Variants in SORCS3 observed in about 807,000 individuals in gnomAD.
SORCS3 encodes the protein VPS10 domain-containing receptor SorCS3.
Under a neutral mutation model 146.3 loss-of-function variants are expected in SORCS3, and 57 were observed. The observed-to-expected ratio is 0.39, with a 90% confidence interval of 0.31 to 0.49. SORCS3 has a LOEUF of 0.49. SORCS3 is among the 20% of genes least tolerant of loss of function. The pLI, the probability that SORCS3 is intolerant of heterozygous loss-of-function variation, is 0.92. For missense variants in SORCS3, 1,341 were observed against 1,575.5 expected (o/e 0.85, Z 2.52); for synonymous variants, 653 against 618.5 (o/e 1.06, Z -0.83).
At chr10:104,708,763 T>C (rs1439886199) in intron 1 of SORCS3, among the ~76,000 whole-genome samples, 1 of 152,198 alleles carries the variant, frequency 6.6e-6, no homozygotes, top group Non-Finnish European at 1.5e-5. Context: ...CTCTTTCCTT[T>C]GGATAATATT....
chr10:104,716,142 T>C (rs1191785511), intron 1 of SORCS3, among the ~76,000 whole-genome samples: 2 of 152,198 alleles, frequency 1.3e-5, no homozygotes, highest in Non-Finnish European at 2.9e-5. Context: ...CCAGTCCCCC[T>C]TCCTGCATTA....
At chr10:104,849,447 A>G (rs1197991597) in intron 2 of SORCS3, among the ~76,000 whole-genome samples, 1 of 148,704 alleles carries the variant, frequency 6.7e-6, no homozygotes, top group Non-Finnish European at 1.5e-5. Context: ...AGGAAAGACT[A>G]TTTCAGGTAT....
chr10:104,835,895 T>C (rs1485290435), intron 1 of SORCS3, among the ~76,000 whole-genome samples: 1 of 152,196 alleles, frequency 6.6e-6, no homozygotes, highest in Non-Finnish European at 1.5e-5. Context: ...TTGATTTGAA[T>C]CAGCAACCCT....
intron 3 of SORCS3, among the ~76,000 whole-genome samples, chr10:104,932,785 T>C (rs757039142): frequency 6.6e-6 from 1 of 152,206 alleles, no homozygotes; most frequent in Non-Finnish European, 1.5e-5. Context: ...CTTGAATTCC[T>C]GGGTTCAAGC....
rs145233912 is a variant in SORCS3 at position 104,823,129 on chromosome 10, T to C, written c.628-19663T>C. On this transcript the variant is annotated intron_variant, in intron 1 of 26. Coordinates refer to ENST00000369701, the MANE Select transcript of SORCS3 (RefSeq NM_014978.3). Reference sequence around the variant, plus strand: ...GGCACTGGACAGGCAGTAACAAACATGCCTGCAGGGCCAATAGGCAGATGA... The same window carrying C: ...GGCACTGGACAGGCAGTAACAAACACGCCTGCAGGGCCAATAGGCAGATGA... 6.2e-4 allele frequency among the ~76,000 whole-genome samples: 94 copies of C among 152,256 alleles called. No individual in the cohort carries two copies. The East Asian group carries it at 9.7e-3, about 16-fold the overall frequency.
Position 104,995,950 on chromosome 10 carries a change from C to T in SORCS3, c.954+18457C>T, listed in dbSNP as rs188546148. 3.7e-3 allele frequency among the ~76,000 whole-genome samples: 566 copies of T among 152,256 alleles called. 2 individuals carry two copies. Among genetic ancestry groups the T allele is most frequent in the Non-Finnish European group, 6.3e-3 (431 of 68,004 alleles). On this transcript the variant is annotated intron_variant, in intron 4 of 26. Transcript: ENST00000369701. ...TTTTTATATAGTGCAAGATATAGAT[C>T]AAAGTTTATGATTATTGCATATGGA... is the stretch of plus-strand genomic sequence containing the variant.
chr10:104,820,837 C>T (rs1564691267), intron 1 of SORCS3, among the ~76,000 whole-genome samples: 1 of 152,070 alleles, frequency 6.6e-6, no homozygotes, highest in African/African-American at 2.4e-5. Flanking sequence ...CATCAACAGT[C>T]ATATATATAA....
intron 3 of SORCS3, among the ~76,000 whole-genome samples, chr10:104,974,679 C>A (rs1204061816): frequency 6.6e-6 from 1 of 152,090 alleles, no homozygotes; most frequent in African/African-American, 2.4e-5. Context: ...TTAATTGGAG[C>A]ATTTAGTCCA....
At chr10:105,094,878 A>G (rs933848724) in intron 6 of SORCS3, among the ~76,000 whole-genome samples, 4 of 152,192 alleles carry the variant, frequency 2.6e-5, no homozygotes, top group Non-Finnish European at 5.9e-5. Flanking sequence ...TAATCTGGAA[A>G]AGAATGAATG....
chr10:104,921,445 G>A (rs1316885584), intron 3 of SORCS3, among the ~76,000 whole-genome samples: 3 of 152,056 alleles, frequency 2.0e-5, no homozygotes, highest in East Asian at 3.9e-4. Context: ...TGGTCTAACA[G>A]CCAGAGAATG....
At chr10:105,218,919 G>A (rs1035188009) in intron 19 of SORCS3, among the ~76,000 whole-genome samples, 2 of 152,164 alleles carry the variant, frequency 1.3e-5, no homozygotes, top group African/African-American at 4.8e-5. Context: ...GGAGGCTGAG[G>A]CAGGAGAATC....
At chr10:105,209,395 G>A (rs1198508410) in intron 16 of SORCS3, among the ~76,000 whole-genome samples, 2 of 151,970 alleles carry the variant, frequency 1.3e-5, no homozygotes, top group African/African-American at 4.8e-5. Flanking sequence ...CACCCGTCTC[G>A]GCCTCCCAAA....
intron 6 of SORCS3, among the ~76,000 whole-genome samples, chr10:105,092,191 G>A (rs776586162): frequency 9.2e-5 from 14 of 152,288 alleles, no homozygotes; most frequent in East Asian, 3.9e-4. Context: ...CAGGACTTCC[G>A]TGAAATTTTA....
chr10:105,121,337 A>T (rs1204422369), intron 7 of SORCS3, among the ~76,000 whole-genome samples: 1 of 152,194 alleles, frequency 6.6e-6, no homozygotes, highest in African/African-American at 2.4e-5. Context: ...GGATCTCAAT[A>T]TGACAGATAT....
intron 20 of SORCS3, among the ~76,000 whole-genome samples, chr10:105,241,883 G>C (rs950149521): frequency 1.4e-4 from 22 of 152,246 alleles, no homozygotes; most frequent in African/African-American, 5.3e-4. Flanking sequence ...TGACAGTGTA[G>C]AAAACCAACT....
intron 6 of SORCS3, among the ~76,000 whole-genome samples, chr10:105,100,308 A>G (rs2055774766): frequency 6.6e-6 from 1 of 152,174 alleles, no homozygotes; most frequent in East Asian, 1.9e-4. Context: ...TATTTAGGAA[A>G]TCACTCTCTA....
At chr10:105,165,378 G>C (rs374569887) in intron 12 of SORCS3, among the ~76,000 whole-genome samples, 1 of 152,134 alleles carries the variant, frequency 6.6e-6, no homozygotes, top group African/African-American at 2.4e-5. Flanking sequence ...CAGTTTCTCC[G>C]TGGAGAAGAC....
At chr10:104,894,460 C>T (rs2018779496) in intron 2 of SORCS3, among the ~76,000 whole-genome samples, 1 of 152,154 alleles carries the variant, frequency 6.6e-6, no homozygotes, top group Non-Finnish European at 1.5e-5. Flanking sequence ...ACTTTGTGCT[C>T]CTTAGCTGTG....
intron 9 of SORCS3, among the ~76,000 whole-genome samples, chr10:105,155,449 T>C (rs1164306174): frequency 6.6e-6 from 1 of 152,118 alleles, no homozygotes; most frequent in Non-Finnish European, 1.5e-5. Flanking sequence ...TCCTCTGGAA[T>C]CATTAGGTGG....
Sources: allele counts gnomAD v4.1 joint callset (sites outside exome capture counted in the v4.1 genomes callset), GRCh38; gene constraint gnomAD v4.1.1; transcripts MANE v1.5; gene names NCBI Gene and HGNC (gene_info 2026-07-23, HGNC 2026-07-21).